The following NRG3 variants were observed in gnomAD, a reference collection of about 807,000 sequenced individuals.
NRG3 encodes neuregulin 3.
In NRG3, 31 loss-of-function variants were observed where a neutral mutation model predicts 66.9. The ratio of observed to expected loss-of-function variants is 0.46; its 90% CI spans 0.35 to 0.63. The LOEUF is 0.63. Among genes scored for constraint, NRG3 ranks in the 20% least tolerant of loss-of-function variants. The pLI is 0.00. For missense variants in NRG3, 910 were observed against 878.9 expected, an observed-to-expected ratio of 1.04 and a Z score of -0.45; for synonymous variants, 393 against 359.4, an observed-to-expected ratio of 1.09 and a Z score of -1.06.
intron 2 of NRG3, among the ~76,000 whole-genome samples, chr10:82,405,634 A>G (rs1430621326): frequency 2.6e-5 from 4 of 151,658 alleles, no homozygotes; most frequent in African/African-American, 9.7e-5. Context: ...CACCTGGCTA[A>G]TTTTTGTATT....
intron 1 of NRG3, among the ~76,000 whole-genome samples, chr10:82,357,714 C>G (rs1349970528): frequency 6.6e-6 from 1 of 152,120 alleles, no homozygotes. Context: ...CCCAAAGGGC[C>G]CCATCTTCAA....
chr10:82,115,695 G>C (rs1033545124), intron 1 of NRG3, among the ~76,000 whole-genome samples: 3 of 152,092 alleles, frequency 2.0e-5, no homozygotes, highest in African/African-American at 4.8e-5. Flanking sequence ...GGAAAAATGG[G>C]CATTTACACT....
At chr10:82,479,548 C>G (rs1307843590) in intron 2 of NRG3, among the ~76,000 whole-genome samples, 1 of 146,476 alleles carries the variant, frequency 6.8e-6, no homozygotes, top group African/African-American at 2.5e-5. Context: ...CTGTAATCCC[C>G]AGCTACTTGG....
chr10:82,837,877 G>C (rs1054286705), intron 3 of NRG3, among the ~76,000 whole-genome samples: 3 of 152,156 alleles, frequency 2.0e-5, no homozygotes, highest in African/African-American at 7.2e-5. Flanking sequence ...CTCCTAGGGA[G>C]TCATAGGATA....
rs546515822 is a variant in NRG3, at chr10:82,799,432, A to G, written c.1027+60782A>G. ...TCCCAGCTACTCAGGAGGCTGAGGCAGGAGAGTCACTTGAACCGGGGAGTC... is the reference window on the plus strand; with the variant it reads ...TCCCAGCTACTCAGGAGGCTGAGGCGGGAGAGTCACTTGAACCGGGGAGTC... On this transcript the variant is annotated intron_variant, in intron 3 of 8. Transcript: ENST00000372141. Among the ~76,000 whole-genome samples, 5 of 151,376 alleles carry G rather than the reference A, an allele frequency of 3.3e-5. No individual in the cohort carries two copies. In the South Asian group the frequency reaches 8.4e-4, roughly 25 times the overall value.
chr10:81,887,800 C>G (rs1842730974), intron 1 of NRG3, among the ~76,000 whole-genome samples: 1 of 151,956 alleles, frequency 6.6e-6, no homozygotes, highest in African/African-American at 2.4e-5. Flanking sequence ...AATTAGAAGT[C>G]AAGATGGTGA....
At chr10:82,326,884 A>C (rs3904723) in intron 1 of NRG3, among the ~76,000 whole-genome samples, 29,168 of 152,140 alleles carry the variant, frequency 0.19, 3,068 homozygotes, top group East Asian at 0.3. Context: ...TCTTTTAAAA[A>C]ATTGTAATTA....
intron 1 of NRG3, among the ~76,000 whole-genome samples, chr10:82,129,136 C>G (rs899029703): frequency 2.6e-5 from 4 of 151,992 alleles, no homozygotes; most frequent in Non-Finnish European, 5.9e-5. Context: ...TGGTCTCAAA[C>G]TCCTGACCTC....
At chr10:82,118,216 T>TAAA (rs201442608) in intron 1 of NRG3, among the ~76,000 whole-genome samples, 8 of 130,234 alleles carry the variant, frequency 6.1e-5, no homozygotes, top group African/African-American at 1.4e-4. Context: ...GTAAGGACTC[T>TAAA]AAAAAAAAAA....
chr10:82,774,905 C>T (rs2059852430), intron 3 of NRG3, among the ~76,000 whole-genome samples: 2 of 145,626 alleles, frequency 1.4e-5, no homozygotes, highest in African/African-American at 5.2e-5. Context: ...TCACTGCAAC[C>T]TCTGCCTCCT....
chr10:82,481,537 T>C (rs1230330126), intron 2 of NRG3, among the ~76,000 whole-genome samples: 1 of 152,188 alleles, frequency 6.6e-6, no homozygotes, highest in Non-Finnish European at 1.5e-5. Flanking sequence ...TCTATTTAAT[T>C]AATCATTCAT....
At chr10:82,555,701 T>C (rs1437031789) in intron 2 of NRG3, among the ~76,000 whole-genome samples, 1 of 152,206 alleles carries the variant, frequency 6.6e-6, no homozygotes, top group Non-Finnish European at 1.5e-5. Flanking sequence ...ATAGTTTGAT[T>C]CCTTTCATGC....
intron 2 of NRG3, among the ~76,000 whole-genome samples, chr10:82,365,301 C>A (rs1438176847): frequency 6.6e-6 from 1 of 152,156 alleles, no homozygotes; most frequent in African/African-American, 2.4e-5. Context: ...TAAATCCAGG[C>A]CAGGCTGCAG....
At chr10:81,925,117 G>A (rs918018322) in intron 1 of NRG3, among the ~76,000 whole-genome samples, 1 of 152,022 alleles carries the variant, frequency 6.6e-6, no homozygotes. Context: ...ATAAATTACA[G>A]GCCATTAATT....
chr10:82,612,805 G>T (rs1403821541), intron 2 of NRG3, among the ~76,000 whole-genome samples: 3 of 152,198 alleles, frequency 2.0e-5, no homozygotes, highest in African/African-American at 7.2e-5. Flanking sequence ...TACATTTCTT[G>T]TTTTGAGAAT....
chr10:82,340,206 A>C (rs1029781695), intron 1 of NRG3, among the ~76,000 whole-genome samples: 1 of 152,200 alleles, frequency 6.6e-6, no homozygotes, highest in African/African-American at 2.4e-5. Context: ...ACACCATAGA[A>C]GTAAAAACAT....
chr10:81,963,972 C>A (rs532863804), intron 1 of NRG3, among the ~76,000 whole-genome samples: 1 of 152,094 alleles, frequency 6.6e-6, no homozygotes, highest in South Asian at 2.1e-4. Context: ...TTGTTTTTTG[C>A]TGATTATTTT....
intron 1 of NRG3, among the ~76,000 whole-genome samples, chr10:81,884,733 G>A (rs1842476633): frequency 6.6e-6 from 1 of 152,056 alleles, no homozygotes; most frequent in African/African-American, 2.4e-5. Flanking sequence ...TGATATCCTG[G>A]GGGAGAGGAA....
chr10:81,883,401 A>G (rs1043226828), intron 1 of NRG3, among the ~76,000 whole-genome samples: 7 of 152,204 alleles, frequency 4.6e-5, no homozygotes, highest in African/African-American at 7.2e-5. Flanking sequence ...CATAAATCAT[A>G]GATTGCCATT....
Sources: gnomAD v4.1 joint callset for allele counts (sites outside exome capture counted in the v4.1 genomes callset) on GRCh38, gnomAD v4.1.1 for gene constraint, MANE v1.5 for transcripts, NCBI Gene and HGNC (gene_info 2026-07-23, HGNC 2026-07-21) for gene names.